The following OTOGL variants were observed in gnomAD, a reference collection of about 807,000 sequenced individuals.
OTOGL encodes otogelin-like protein.
OTOGL carries 285 observed loss-of-function variants against 318.5 expected under a neutral mutation model. The observed-to-expected ratio is 0.89, with a 90% CI of 0.81 to 0.99. OTOGL has a LOEUF of 0.99. Ranked by LOEUF, OTOGL falls within the 50% of genes least tolerant of loss-of-function variation. The probability of loss-of-function intolerance (pLI) is 0.00; values close to 1 mark genes in which losing one functional copy is unlikely to be tolerated. For synonymous variants in OTOGL, 987 were observed against 936.5 expected (o/e 1.05, Z -0.99); for missense variants, 2,899 against 2,845.6 (o/e 1.02, Z -0.43).
At chr12:80,152,657 T>A (rs897542774) in intron 1 of OTOGL, among the ~76,000 whole-genome samples, 1 of 152,182 alleles carries the variant, frequency 6.6e-6, no homozygotes, top group Non-Finnish European at 1.5e-5. Flanking sequence ...GTTGCAAAAA[T>A]CCAACCTTTG....
At chr12:80,342,244 A>T (rs1374655993) in intron 44 of OTOGL, 82 bp downstream of exon 44, 1 of 1,120,002 alleles carries the variant, frequency 8.9e-7, no homozygotes, top group East Asian at 2.6e-5. Context: ...TTCTTGCTAT[A>T]ATGTTCTTCT....
intron 1 of OTOGL, among the ~76,000 whole-genome samples, chr12:80,158,760 C>T (rs139667517): frequency 0.013 from 1,983 of 151,028 alleles, 45 homozygotes; most frequent in African/African-American, 0.043. Flanking sequence ...TCTAAGTATA[C>T]GATCATATCA....
At chr12:80,289,991 C>G (rs1318020244) in intron 26 of OTOGL, among the ~76,000 whole-genome samples, 1 of 152,162 alleles carries the variant, frequency 6.6e-6, no homozygotes, top group Admixed American at 6.6e-5. Context: ...CAAACAGCTG[C>G]CCAGTTTTGT....
intron 19 of OTOGL, among the ~76,000 whole-genome samples, chr12:80,264,251 G>T (rs761394290): frequency 2.0e-5 from 3 of 152,026 alleles, no homozygotes; most frequent in Non-Finnish European, 4.4e-5. Flanking sequence ...GTCAAACTTG[G>T]TTACTTCTAT....
At chr12:80,304,338 T>G (rs1885967890) in intron 28 of OTOGL, among the ~76,000 whole-genome samples, 1 of 152,156 alleles carries the variant, frequency 6.6e-6, no homozygotes, top group Non-Finnish European at 1.5e-5. Context: ...TATTTAAAAT[T>G]TGATTATTTT....
At chr12:80,145,310 G>GATT (rs1872268196) in intron 1 of OTOGL, among the ~76,000 whole-genome samples, 1 of 152,230 alleles carries the variant, frequency 6.6e-6, no homozygotes, top group East Asian at 1.9e-4. Context: ...TTATTAAATA[G>GATT]GGAATCCTTT....
chr12:80,366,367 G>A (rs1332556372), intron 52 of OTOGL: 1 of 464,786 alleles, frequency 2.2e-6, no homozygotes, highest in African/African-American at 2.0e-5. Context: ...GGCAAATGTT[G>A]TCTTTGATTG....
chr12:80,316,705 T>G (rs1886995985), intron 32 of OTOGL, among the ~76,000 whole-genome samples: 1 of 152,174 alleles, frequency 6.6e-6, no homozygotes, highest in African/African-American at 2.4e-5. Flanking sequence ...CGTCAGAATT[T>G]GTAAAAGCAA....
At chr12:80,151,396 C>CTTAT (rs1872772875) in intron 1 of OTOGL, among the ~76,000 whole-genome samples, 1 of 152,128 alleles carries the variant, frequency 6.6e-6, no homozygotes, top group African/African-American at 2.4e-5. Context: ...CCATTACCTG[C>CTTAT]TTCTTTCTTT....
At chr12:80,286,837 T>C (rs1360235439) in intron 26 of OTOGL, among the ~76,000 whole-genome samples, 1 of 152,154 alleles carries the variant, frequency 6.6e-6, no homozygotes, top group African/African-American at 2.4e-5. Flanking sequence ...AAAAACCAGC[T>C]CCTGGATTCA....
chr12:80,281,239 A>G (rs1884214588), intron 26 of OTOGL, among the ~76,000 whole-genome samples: 1 of 151,628 alleles, frequency 6.6e-6, no homozygotes, highest in Non-Finnish European at 1.5e-5. Flanking sequence ...ATGTTGAATG[A>G]GAGTGATGAG....
At chr12:80,310,153 T>C (rs950048909) in intron 29 of OTOGL, among the ~76,000 whole-genome samples, 1 of 151,644 alleles carries the variant, frequency 6.6e-6, no homozygotes, top group Non-Finnish European at 1.5e-5. Context: ...AATGAAGAGG[T>C]CATGGATGAC....
rs201487127 is a variant in OTOGL, at chr12:80,271,689, T to C, written c.2560T>C (p.Phe854Leu). Residue 854 changes from phenylalanine (F) to leucine (L), a missense_variant, in exon 24 of 59, where the codon TTT (phenylalanine) becomes CTT (leucine). Physicochemically the swap from Phe to Leu is conservative, Grantham distance 22 (BLOSUM62 0). Around this residue, in one of 3 missense-constraint regions of OTOGL, gnomAD observed 2,607 missense variants for 2,524.9 expected, o/e 1.03. Transcript: ENST00000547103. ...GGGAAAAGAGTATTTCGACTGCAGG[T>C]TTCCTGACCCTGAATTACCAGCTGG... ...PEGKEYFDCR[F>L]PDPELPAGGV... The C allele has an allele frequency of 2.1e-4, 333 of 1,612,996 alleles. No homozygotes were observed. The highest frequency in any genetic ancestry group is 2.6e-4 in the Non-Finnish European group (307 of 1,179,444).
chr12:80,322,294 C>A (rs1887390533), intron 34 of OTOGL, among the ~76,000 whole-genome samples: 1 of 152,182 alleles, frequency 6.6e-6, no homozygotes, highest in Admixed American at 6.5e-5. Context: ...TTACAGGCCT[C>A]TATTTCCCCT....
intron 8 of OTOGL, among the ~76,000 whole-genome samples, chr12:80,231,846 C>T (rs1175535748): frequency 1.3e-5 from 2 of 150,348 alleles, no homozygotes; most frequent in African/African-American, 4.9e-5. Flanking sequence ...ACTGTGTTGG[C>T]CAGTCTGGTC....
intron 52 of OTOGL, among the ~76,000 whole-genome samples, chr12:80,360,384 C>G (rs1221388437): frequency 1.1e-5 from 1 of 89,842 alleles, no homozygotes; most frequent in Non-Finnish European, 2.1e-5. Flanking sequence ...CTCCCCCTCT[C>G]TCTCCCCCTC....
At position 80,254,517 on chromosome 12, in the gene OTOGL, C is replaced by A. The variant is rs1428253743; in HGVS notation, c.1395-7C>A. 5 of 1,601,224 alleles carry A rather than the reference C, an allele frequency of 3.1e-6. No homozygotes were observed. In the South Asian group the frequency reaches 3.4e-5, roughly 11 times the overall value. ...CAATAGATTAATATTTTTATAATTT[C>A]TTTTAGTGTGTGTGTTGGTGGAGTT... On this transcript the variant is annotated splice_polypyrimidine_tract_variant and splice_region_variant and intron_variant, in intron 14 of 58. Transcript: ENST00000547103.
chr12:80,270,019 A>C (rs1883282728), intron 22 of OTOGL, 83 bp from the exon 23 acceptor site: 1 of 1,109,792 alleles, frequency 9.0e-7, no homozygotes. Context: ...CAATTCTTGT[A>C]CGTTAGATTG....
In OTOGL at chr12:80,211,935, T is replaced by C; in HGVS notation, c.120-14T>C. The C allele has an allele frequency of 6.4e-7, 1 of 1,554,746 alleles. No individual in the cohort carries two copies. Among genetic ancestry groups the C allele is most frequent in the Non-Finnish European group, 8.7e-7 (1 of 1,155,658 alleles). ...GGGCCTTTGACTGTACAAGTTCTTT[T>C]TGTTTTCTTCCAGAAACGGGTTTAA... is the stretch of plus-strand genomic sequence containing the variant. On this transcript the variant is annotated splice_polypyrimidine_tract_variant and intron_variant, in intron 3 of 58. Transcript: ENST00000547103.
Sources: gnomAD v4.1 joint callset for allele counts (sites outside exome capture counted in the v4.1 genomes callset) on GRCh38, gnomAD v4.1.1 for gene constraint, gnomAD v4.1.1 regional missense constraint, MANE v1.5 for transcripts, NCBI Gene and HGNC (gene_info 2026-07-23, HGNC 2026-07-21) for gene names.